KIF26B: variants seen among roughly 807,000 people sequenced by gnomAD.
KIF26B encodes kinesin family member 26B.
KIF26B carries 63 observed loss-of-function variants against 151.2 expected under a neutral mutation model. That is an observed-to-expected ratio of 0.42 (90% CI 0.34 to 0.51). KIF26B has a LOEUF of 0.51. KIF26B is among the 20% of genes least tolerant of loss of function. The pLI is 0.07. For missense variants in KIF26B, 2,813 were observed against 2,913.6 expected (o/e 0.97, Z 0.79); for synonymous variants, 1,357 against 1,262.1 (o/e 1.08, Z -1.59).
In KIF26B at chr1:245,602,986, G is replaced by C. The variant is rs2043413766; in HGVS notation, c.1557+203G>C. Among the ~76,000 whole-genome samples, 1 of 152,102 alleles carries C rather than the reference G, an allele frequency of 6.6e-6. No homozygotes were observed. Among genetic ancestry groups the C allele is most frequent in the African/African-American group, 2.4e-5 (1 of 41,392 alleles). ...ACCTTGGGCAGGATCAGTGTGCACA[G>C]ATTTCAATAAAATCTGTCCTTGGGG... On this transcript the variant is annotated intron_variant, in intron 6 of 14. Transcript: ENST00000407071. The surrounding 1 kb of genome is among the most constrained non-coding windows in gnomAD (Gnocchi z 4.5).
At chr1:245,394,688 C>CTTT (rs900497785) in intron 3 of KIF26B, among the ~76,000 whole-genome samples, 4 of 123,174 alleles carry the variant, frequency 3.2e-5, no homozygotes, top group Non-Finnish European at 6.5e-5. Context: ...TTTTTTCTTT[C>CTTT]TTTTTTTTTT....
chr1:245,659,909 G>A (rs763044992), intron 10 of KIF26B, among the ~76,000 whole-genome samples: 7 of 151,184 alleles, frequency 4.6e-5, no homozygotes, highest in Non-Finnish European at 1.0e-4. Flanking sequence ...AAAGCCAGGC[G>A]TGGTGGAACA....
At chr1:245,385,082 G>T (rs2103019223) in intron 3 of KIF26B, among the ~76,000 whole-genome samples, 1 of 152,140 alleles carries the variant, frequency 6.6e-6, no homozygotes, top group African/African-American at 2.4e-5. Flanking sequence ...CCATTTATCT[G>T]CATCTCTGAG....
At chr1:245,554,746 A>G (rs1301303495) in intron 5 of KIF26B, among the ~76,000 whole-genome samples, 1 of 152,208 alleles carries the variant, frequency 6.6e-6, no homozygotes, top group African/African-American at 2.4e-5. Flanking sequence ...AGCTGACGGT[A>G]TAGCAGCCAG....
At chr1:245,625,274 G>A (rs58008903) in intron 9 of KIF26B, among the ~76,000 whole-genome samples, 14,707 of 152,126 alleles carry the variant, frequency 0.097, 881 homozygotes, top group Admixed American at 0.17. Flanking sequence ...AAATTTTAGA[G>A]TCGCTTTCTA....
rs562611797 is a variant in KIF26B, at chr1:245,388,213, T to TA, written c.999+20847dup. The stretch of plus-strand genomic sequence containing the variant: ...ATATGAACAAGTCAGGTTTTTTTTT[T>TA]ATCATAGTATTTTTTAAAAAACGTT... On this transcript the variant is annotated intron_variant, in intron 3 of 14. Coordinates refer to ENST00000407071, the MANE Select transcript of KIF26B (RefSeq NM_018012.4). 3.3e-3 allele frequency among the ~76,000 whole-genome samples: 497 copies of TA among 152,246 alleles called. 3 individuals are homozygous for TA. The highest frequency in any genetic ancestry group is 0.012 in the African/African-American group (480 of 41,552).
Position 245,698,094 on chromosome 1 carries a change from C to A in KIF26B, c.5825-12C>A, listed in dbSNP as rs1330412961. 1 of 1,607,632 alleles carries A rather than the reference C, an allele frequency of 6.2e-7. No homozygotes were observed. Among genetic ancestry groups the A allele is most frequent in the East Asian group, 2.2e-5 (1 of 44,762 alleles). On this transcript the variant is annotated splice_polypyrimidine_tract_variant and intron_variant, in intron 12 of 14. Coordinates refer to ENST00000407071, the MANE Select transcript of KIF26B (RefSeq NM_018012.4). The surrounding 1 kb of genome is among the most constrained non-coding windows in gnomAD (Gnocchi z 4.0). ...AGAAAGACTAACTCTCTGGGCTTATCCCCCTCCTCAGGTTCTCAGAGACGG... is the reference window on the plus strand; with the variant it reads ...AGAAAGACTAACTCTCTGGGCTTATACCCCTCCTCAGGTTCTCAGAGACGG...
At chr1:245,583,582 C>T (rs1348419137) in intron 5 of KIF26B, among the ~76,000 whole-genome samples, 1 of 152,172 alleles carries the variant, frequency 6.6e-6, no homozygotes, top group Non-Finnish European at 1.5e-5. Context: ...GTTAAATCAG[C>T]TGGTTCTAGG....
chr1:245,324,312 A>C (rs1177734396), intron 2 of KIF26B, among the ~76,000 whole-genome samples: 2 of 152,220 alleles, frequency 1.3e-5, no homozygotes, highest in African/African-American at 4.8e-5. Flanking sequence ...GTTGCTGGAA[A>C]AAATATCAGA....
intron 2 of KIF26B, among the ~76,000 whole-genome samples, chr1:245,267,718 A>G (rs1248528068): frequency 1.3e-5 from 2 of 151,858 alleles, no homozygotes; most frequent in African/African-American, 4.8e-5. Flanking sequence ...CAAGAATTCC[A>G]AGTGAGTTAC....
At chr1:245,360,649 A>T (rs755894823) in intron 2 of KIF26B, among the ~76,000 whole-genome samples, 15 of 152,108 alleles carry the variant, frequency 9.9e-5, no homozygotes, top group Non-Finnish European at 1.9e-4. Flanking sequence ...AACCTCCCAT[A>T]CCCTTAACCA....
chr1:245,532,988 A>ACC, intron 4 of KIF26B, among the ~76,000 whole-genome samples: 1 of 152,314 alleles, frequency 6.6e-6, no homozygotes, highest in African/African-American at 2.4e-5. Context: ...CATGTGGATG[A>ACC]ATATCTTCAC....
intron 3 of KIF26B, among the ~76,000 whole-genome samples, chr1:245,378,620 T>C (rs141314718): frequency 0.024 from 3,609 of 152,284 alleles, 78 homozygotes; most frequent in Middle Eastern, 0.041. Context: ...CCAGGGAGTA[T>C]GCAGGCTCCA....
chr1:245,316,928 C>T (rs1671790167), intron 2 of KIF26B, among the ~76,000 whole-genome samples: 1 of 150,122 alleles, frequency 6.7e-6, no homozygotes, highest in African/African-American at 2.5e-5. Flanking sequence ...CTGGGCTGTC[C>T]AGCCCGGGTG....
chr1:245,607,791 C>A, intron 7 of KIF26B, 47 bp downstream of exon 7: 1 of 1,411,064 alleles, frequency 7.1e-7, no homozygotes, highest in Non-Finnish European at 9.9e-7. Flanking sequence ...AGCTCCCTGT[C>A]ATCCCATGCA....
At chr1:245,437,184 G>GC (rs1242851607) in intron 4 of KIF26B, among the ~76,000 whole-genome samples, 9 of 152,240 alleles carry the variant, frequency 5.9e-5, no homozygotes, top group African/African-American at 2.2e-4. Context: ...ACCGCACCTG[G>GC]CCCCTGGAAC....
intron 2 of KIF26B, among the ~76,000 whole-genome samples, chr1:245,225,681 T>C (rs533307172): frequency 6.6e-6 from 1 of 152,358 alleles, no homozygotes; most frequent in Admixed American, 6.5e-5. Context: ...CTCATTTGGC[T>C]ATAATCAGAG....
intron 2 of KIF26B, among the ~76,000 whole-genome samples, chr1:245,257,750 A>G (rs1184891111): frequency 6.6e-6 from 1 of 152,198 alleles, no homozygotes; most frequent in African/African-American, 2.4e-5. Flanking sequence ...GGCCGGGTGC[A>G]GTGGCTCATA....
chr1:245,217,720 C>G (rs1454357940), intron 2 of KIF26B, among the ~76,000 whole-genome samples: 2 of 151,982 alleles, frequency 1.3e-5, no homozygotes, highest in Non-Finnish European at 2.9e-5. Flanking sequence ...GATTTGTAAT[C>G]TCACGATACC....
Sources: allele counts gnomAD v4.1 joint callset (sites outside exome capture counted in the v4.1 genomes callset), GRCh38; gene constraint gnomAD v4.1.1; non-coding constraint Gnocchi (gnomAD v3.1); transcripts MANE v1.5; gene names NCBI Gene and HGNC (gene_info 2026-07-23, HGNC 2026-07-21).